Variants in UTRN observed in about 807,000 individuals in gnomAD.
The protein encoded by UTRN is utrophin.
Under a neutral mutation model 463.9 loss-of-function variants are expected in UTRN, and 283 were observed. That is an observed-to-expected ratio of 0.61 (90% CI 0.55 to 0.67). The LOEUF is 0.67. UTRN is among the 30% of genes least tolerant of loss of function. The pLI, the probability that UTRN is intolerant of heterozygous loss-of-function variation, is 0.00. For synonymous variants in UTRN, 1,442 were observed against 1,431.5 expected (o/e 1.01, Z -0.17); for missense variants, 3,922 against 4,084.3 (o/e 0.96, Z 1.08).
At chr6:144,484,236 G>A (rs1792188100) in intron 27 of UTRN, among the ~76,000 whole-genome samples, 1 of 152,066 alleles carries the variant, frequency 6.6e-6, no homozygotes, top group South Asian at 2.1e-4. Context: ...CTCCAGTTTT[G>A]GTAAAATGTG....
At chr6:144,518,900 T>C (rs1291297332) in intron 39 of UTRN, among the ~76,000 whole-genome samples, 1 of 150,858 alleles carries the variant, frequency 6.6e-6, no homozygotes, top group African/African-American at 2.5e-5. Flanking sequence ...TGAGAATTAC[T>C]GTGGGGGAGC....
At chr6:144,359,531 G>A (rs143855224) in intron 2 of UTRN, among the ~76,000 whole-genome samples, 94 of 152,274 alleles carry the variant, frequency 6.2e-4, no homozygotes, top group African/African-American at 2.1e-3. Flanking sequence ...ACTGTAACAC[G>A]TTTAACGTCA....
Position 144,822,518 on chromosome 6 carries a change from AC to A in UTRN, c.9494+1501del, listed in dbSNP as rs1417721736. ...CTTTCCACTTGATATCAAACTGTGT[AC>A]AATTAAGATCTGTGTCTTTCTAAAC... On this transcript the variant is annotated intron_variant, in intron 66 of 74. Transcript: ENST00000367545. Among the ~76,000 whole-genome samples the A allele has an allele frequency of 2.6e-5, 4 of 152,156 alleles. No homozygotes were observed. In the East Asian group the frequency reaches 7.7e-4, roughly 29 times the overall value.
At chr6:144,388,585 C>T (rs1781623690) in intron 2 of UTRN, among the ~76,000 whole-genome samples, 2 of 151,972 alleles carry the variant, frequency 1.3e-5, no homozygotes, top group African/African-American at 4.8e-5. Flanking sequence ...GCAGCCTCCA[C>T]CTCCCCAGAT....
At position 144,537,649 on chromosome 6, in the gene UTRN, AC is replaced by A; in HGVS notation, c.6302del (p.Thr2101LysfsTer22). 1 of 1,612,908 alleles carries A rather than the reference AC, an allele frequency of 6.2e-7. No homozygotes were observed. The highest frequency in any genetic ancestry group is 8.5e-7 in the Non-Finnish European group (1 of 1,179,550). On this transcript the variant is annotated frameshift_variant, in exon 44 of 75. Coordinates refer to ENST00000367545, the MANE Select transcript of UTRN (RefSeq NM_007124.3). LOFTEE classifies it high-confidence loss of function. ...GCTAGATGAGATTATCTGTTGGTTA[AC>A]AAAGGCTGAGCATGCTATGCAAAAG... is the stretch of plus-strand genomic sequence containing the variant. ...HQLDEIICWL[T>X]KAEHAMQKRS... is the part of the protein sequence containing the mutation.
rs770390499 is a variant in UTRN at position 144,462,748 on chromosome 6, A to G, written c.2948A>G (p.Glu983Gly). ...GAGAAAAATGTTCATCCTGATGTAGAAAAATTATATAAGCAAGAATTTGAT... is the reference window on the plus strand; with the variant it reads ...GAGAAAAATGTTCATCCTGATGTAGGAAAATTATATAAGCAAGAATTTGAT... ...ALEKNVHPDV[E>G]KLYKQEFDDV... The change falls in exon 23 of 75, where the codon GAA becomes GGA. Residue 983 changes from glutamate (E) to glycine (G), a missense_variant. Glu to Gly is a moderately conservative substitution (Grantham distance 98). Transcript: ENST00000367545. The G allele has an allele frequency of 1.9e-6, 3 of 1,612,078 alleles. No individual in the cohort carries two copies. The highest frequency in any genetic ancestry group is 2.5e-6 in the Non-Finnish European group (3 of 1,179,590).
At chr6:144,363,491 C>T (rs1779250692) in intron 2 of UTRN, among the ~76,000 whole-genome samples, 1 of 152,138 alleles carries the variant, frequency 6.6e-6, no homozygotes, top group Non-Finnish European at 1.5e-5. Flanking sequence ...TACATCTTCC[C>T]TCTCAAGACA....
intron 2 of UTRN, among the ~76,000 whole-genome samples, chr6:144,304,467 A>T (rs988765049): frequency 2.0e-5 from 3 of 152,222 alleles, no homozygotes; most frequent in Non-Finnish European, 4.4e-5. Context: ...AAGAAAACAG[A>T]TTAAACAGGC....
chr6:144,501,668 A>G (rs1470966897), intron 34 of UTRN, among the ~76,000 whole-genome samples: 2 of 152,110 alleles, frequency 1.3e-5, no homozygotes, highest in Non-Finnish European at 2.9e-5. Context: ...CATTTAAATT[A>G]TTACCATTTT....
intron 2 of UTRN, among the ~76,000 whole-genome samples, chr6:144,363,184 T>G (rs1000807321): frequency 6.6e-6 from 1 of 152,218 alleles, no homozygotes; most frequent in Non-Finnish European, 1.5e-5. Flanking sequence ...ACACAGTATC[T>G]TACAGAACTG....
At chr6:144,642,796 T>C (rs1194207445) in intron 51 of UTRN, among the ~76,000 whole-genome samples, 1 of 152,174 alleles carries the variant, frequency 6.6e-6, no homozygotes, top group Non-Finnish European at 1.5e-5. Context: ...GTATGGTTTT[T>C]TAATATTGAT....
chr6:144,503,608 T>C (rs1794420701), intron 34 of UTRN, among the ~76,000 whole-genome samples: 1 of 152,194 alleles, frequency 6.6e-6, no homozygotes, highest in Non-Finnish European at 1.5e-5. Flanking sequence ...CATTGGTCTA[T>C]ATATCTGTTT....
intron 9 of UTRN, among the ~76,000 whole-genome samples, chr6:144,433,296 CGGCT>C (rs1562390441): frequency 1.4e-5 from 2 of 146,534 alleles, no homozygotes; most frequent in Admixed American, 6.8e-5. Flanking sequence ...CCGGACGGGG[CGGCT>C]GGCCGGGTGG....
intron 51 of UTRN, among the ~76,000 whole-genome samples, chr6:144,638,852 C>T (rs1028474027): frequency 2.0e-5 from 3 of 151,760 alleles, no homozygotes; most frequent in South Asian, 2.1e-4. Flanking sequence ...GTGGGAGGAT[C>T]GCTTGAGGCC....
intron 41 of UTRN, among the ~76,000 whole-genome samples, 183 bp downstream of exon 41, chr6:144,523,371 A>G (rs1585114857): frequency 1.3e-5 from 2 of 152,172 alleles, no homozygotes; most frequent in African/African-American, 2.4e-5. Context: ...GTGCAGTGGC[A>G]TGATCTCAGC....
intron 7 of UTRN, among the ~76,000 whole-genome samples, chr6:144,426,831 C>T (rs1295197084): frequency 6.6e-6 from 1 of 152,102 alleles, no homozygotes; most frequent in Non-Finnish European, 1.5e-5. Context: ...AATGCATTCC[C>T]AATTAAAAAT....
intron 4 of UTRN, among the ~76,000 whole-genome samples, chr6:144,423,014 C>T (rs888486009): frequency 1.3e-5 from 2 of 152,202 alleles, no homozygotes; most frequent in Non-Finnish European, 2.9e-5. Context: ...TCCCTGCCTT[C>T]CGAGGGCTCT....
At chr6:144,360,589 G>A (rs781611923) in intron 2 of UTRN, among the ~76,000 whole-genome samples, 2 of 152,154 alleles carry the variant, frequency 1.3e-5, no homozygotes, top group Non-Finnish European at 2.9e-5. Context: ...TGCCCACACC[G>A]GCATGCCTTT....
chr6:144,578,535 A>G (rs746906455), intron 51 of UTRN, among the ~76,000 whole-genome samples: 6 of 152,138 alleles, frequency 3.9e-5, no homozygotes, highest in Non-Finnish European at 7.3e-5. Flanking sequence ...GGGTTTCACC[A>G]TGTTGGCCAG....
Sources: gnomAD v4.1 joint callset for allele counts (sites outside exome capture counted in the v4.1 genomes callset) on GRCh38, gnomAD v4.1.1 for gene constraint, MANE v1.5 for transcripts, NCBI Gene and HGNC (gene_info 2026-07-23, HGNC 2026-07-21) for gene names.